The following CERKL variants were observed in gnomAD, a reference collection of about 807,000 sequenced individuals.
CERKL encodes ceramide kinase-like protein.
A neutral mutation model predicts 63.4 loss-of-function variants in CERKL; 61 were observed. That is an observed-to-expected ratio of 0.96 (90% CI 0.78 to 1.19). CERKL has a LOEUF of 1.19. Ranked by LOEUF, CERKL falls within the 50% of genes most tolerant of loss-of-function variation. The pLI is 0.00. For synonymous variants in CERKL, 250 were observed against 230.5 expected, an observed-to-expected ratio of 1.08 and a Z score of -0.77; for missense variants, 675 against 655.5, an observed-to-expected ratio of 1.03 and a Z score of -0.33.
rs954547032 is a variant in CERKL, at chr2:181,538,307, T to G, written c.1539-63A>C. On this transcript the variant is annotated intron_variant, in intron 12 of 12. Transcript: ENST00000410087. ...TTGTTTTTCACATACACCTAATAAGTATGGTACACAATGCCAATGCCAAAT... is the reference window on the plus strand; with the variant it reads ...TTGTTTTTCACATACACCTAATAAGGATGGTACACAATGCCAATGCCAAAT... The G allele has an allele frequency of 1.6e-5, 15 of 935,152 alleles. No homozygotes were observed. The African/African-American group carries it at 2.4e-4, about 15-fold the overall frequency. 57.9% of individuals were successfully genotyped at this position (935,152 alleles called of 1,614,324 possible). A position where few individuals can be genotyped will look rare whatever the true frequency, so the allele number is the denominator to read the frequency against.
intron 1 of CERKL, among the ~76,000 whole-genome samples, chr2:181,616,407 T>A (rs893053814): frequency 2.0e-5 from 3 of 151,978 alleles, no homozygotes; most frequent in African/African-American, 4.8e-5. Context: ...AGAGACGGTG[T>A]TTCACTGTGT....
At chr2:181,561,826 A>G (rs1212418576) in intron 4 of CERKL, among the ~76,000 whole-genome samples, 2 of 137,996 alleles carry the variant, frequency 1.4e-5, no homozygotes, top group Non-Finnish European at 1.6e-5. Context: ...ATTTTATTTT[A>G]TTTTTGAGAC....
At position 181,537,414 on chromosome 2, in the gene CERKL, G is replaced by A. The variant is rs1559063675; in HGVS notation, c.*770C>T. Reference sequence around the variant, plus strand: ...TTTTGCCCAGTTCAAAATAGTATTTGTTATCAACTTACTTTGTTACTTGTA... The same window carrying A: ...TTTTGCCCAGTTCAAAATAGTATTTATTATCAACTTACTTTGTTACTTGTA... On this transcript the variant is annotated 3_prime_UTR_variant, in exon 13 of 13. Coordinates refer to ENST00000410087, the MANE Select transcript of CERKL (RefSeq NM_201548.5). 6 of 453,760 alleles carry A rather than the reference G, an allele frequency of 1.3e-5. No homozygotes were observed. Among genetic ancestry groups the A allele is most frequent in the Non-Finnish European group, 2.6e-5 (6 of 226,728 alleles). 28.1% of individuals were successfully genotyped at this position (453,760 alleles called of 1,614,324 possible).
chr2:181,551,209 G>A (rs778602737), intron 5 of CERKL, among the ~76,000 whole-genome samples: 49 of 152,192 alleles, frequency 3.2e-4, no homozygotes, highest in Non-Finnish European at 6.5e-4. Flanking sequence ...AACCCTAAAG[G>A]CTCCATGAAT....
At chr2:181,545,101 C>A (rs1687664508) in intron 10 of CERKL, among the ~76,000 whole-genome samples, 1 of 152,034 alleles carries the variant, frequency 6.6e-6, no homozygotes, top group African/African-American at 2.4e-5. Flanking sequence ...ATTTAAAATA[C>A]AATGTAATTA....
intron 1 of CERKL, among the ~76,000 whole-genome samples, chr2:181,607,060 A>G (rs533867095): frequency 6.6e-6 from 1 of 152,346 alleles, no homozygotes; most frequent in African/African-American, 2.4e-5. Context: ...TATTGTATTC[A>G]AAATTAAAAC....
Position 181,621,210 on chromosome 2 carries a change from T to C in CERKL, c.239-17131A>G, listed in dbSNP as rs568220336. ...AAATTACTTATAAAATGTAGTCAAA[T>C]TTCCTAAGTCTCTAAGTTATTTTCA... On this transcript the variant is annotated intron_variant, in intron 1 of 12. Transcript: ENST00000410087. 1.1e-4 allele frequency among the ~76,000 whole-genome samples: 16 copies of C among 152,300 alleles called. No individual in the cohort carries two copies. In the South Asian group the frequency reaches 3.3e-3, roughly 32 times the overall value.
rs187725501 is a variant in CERKL, at chr2:181,616,472, A to T, written c.239-12393T>A. On this transcript the variant is annotated intron_variant, in intron 1 of 12. Transcript: ENST00000410087. ...CGTGATCCGCCTGCCTCGGCCTCCC[A>T]AAGTGTTGGGATTACAGGTGTGAGC... is the stretch of plus-strand genomic sequence containing the variant. 1.5e-3 allele frequency among the ~76,000 whole-genome samples: 227 copies of T among 152,220 alleles called. 2 individuals carry two copies. Among genetic ancestry groups the T allele is most frequent in the Middle Eastern group, 0.014 (4 of 294 alleles).
chr2:181,646,904 C>A (rs946622079), intron 1 of CERKL, among the ~76,000 whole-genome samples: 2 of 151,790 alleles, frequency 1.3e-5, no homozygotes, highest in South Asian at 4.2e-4. Flanking sequence ...CAGAGTAAGC[C>A]AATTTTTCTA....
chr2:181,652,297 G>T (rs1299197088), intron 1 of CERKL, among the ~76,000 whole-genome samples: 4 of 152,036 alleles, frequency 2.6e-5, no homozygotes, highest in Non-Finnish European at 1.5e-5. Flanking sequence ...CATAAAACCA[G>T]ACAGACCCAT....
At position 181,549,647 on chromosome 2, in the gene CERKL, C is replaced by G; in HGVS notation, c.882G>C (p.Leu294Phe). Reference sequence around the variant, plus strand: ...AAGAATTCTTACCCATTATAATGTGCAATGTTGCAGTTATCACATGAGGAA... The same window carrying G: ...AAGAATTCTTACCCATTATAATGTGGAATGTTGCAGTTATCACATGAGGAA... Reference protein sequence around the residue: ...HGVPHVITATLHIIMGHVQLV... With the variant: ...HGVPHVITATFHIIMGHVQLV... Residue 294 changes from leucine to phenylalanine, a missense_variant, in exon 6 of 13, where the codon TTG becomes TTC. Physicochemically the swap from Leu to Phe is conservative, Grantham distance 22. Coordinates refer to ENST00000410087, the MANE Select transcript of CERKL (RefSeq NM_201548.5). The G allele has an allele frequency of 6.2e-7, 1 of 1,608,868 alleles. No individual in the cohort carries two copies. The highest frequency in any genetic ancestry group is 1.1e-5 in the South Asian group (1 of 90,986).
intron 2 of CERKL, among the ~76,000 whole-genome samples, chr2:181,593,905 A>T (rs1393054902): frequency 6.6e-6 from 1 of 151,978 alleles, no homozygotes; most frequent in Non-Finnish European, 1.5e-5. Context: ...TTGAATCAGA[A>T]GGCCTGGATA....
chr2:181,552,100 C>T lies in CERKL; in HGVS notation c.821-2392G>A, dbSNP rs79837654. On this transcript the variant is annotated intron_variant, in intron 5 of 12. Transcript: ENST00000410087. Reference sequence around the variant, plus strand: ...TTACTTTTATGTAGAATCTGAAAAACTTAAACTCATAAAAGCGAAGAGTAA... The same window carrying T: ...TTACTTTTATGTAGAATCTGAAAAATTTAAACTCATAAAAGCGAAGAGTAA... Among the ~76,000 whole-genome samples, 829 of 152,156 alleles carry T rather than the reference C, an allele frequency of 5.4e-3. 6 individuals carry two copies. The highest frequency in any genetic ancestry group is 9.4e-3 in the Non-Finnish European group (636 of 67,996).
chr2:181,558,236 A>AT lies in CERKL; in HGVS notation c.820+329dup, dbSNP rs199770559. On this transcript the variant is annotated intron_variant, in intron 5 of 12. Coordinates refer to ENST00000410087, the MANE Select transcript of CERKL (RefSeq NM_201548.5). This position sits in a 1 kb window ranked among gnomAD's most constrained non-coding sequence, Gnocchi z 4.2. ...TTACCTGGTACTGTGTAATCAACAG[A>AT]TTTTTTATGCGAAGGGAGAATAATA... Among the ~76,000 whole-genome samples the AT allele has an allele frequency of 3.8e-3, 584 of 152,258 alleles. 7 individuals are homozygous for AT. Among genetic ancestry groups the AT allele is most frequent in the African/African-American group, 0.013 (558 of 41,550 alleles).
chr2:181,565,543 C>T lies in CERKL; in HGVS notation c.677+515G>A, dbSNP rs534433750. 126 of 1,334,304 alleles carry T rather than the reference C, an allele frequency of 9.4e-5. 1 individual carries two copies. The highest frequency in any genetic ancestry group is 8.1e-4 in the South Asian group (69 of 85,086). The allele number at this position is 1,334,304 out of a possible 1,614,324, so 82.7% of individuals were successfully genotyped here. ...TAACATACCTAAATTGTAGTCACTA[C>T]ATTATGAGATAATTAAAATTATTTC... On this transcript the variant is annotated intron_variant, in intron 4 of 12. Coordinates refer to ENST00000410087, the MANE Select transcript of CERKL (RefSeq NM_201548.5).
At chr2:181,589,144 T>C (rs1031078175) in intron 2 of CERKL, among the ~76,000 whole-genome samples, 3 of 152,180 alleles carry the variant, frequency 2.0e-5, no homozygotes, top group Non-Finnish European at 2.9e-5. Context: ...ATCTTAAAAA[T>C]GATTGCCAGA....
intron 2 of CERKL, among the ~76,000 whole-genome samples, chr2:181,587,807 A>T (rs915591857): frequency 2.6e-5 from 4 of 152,090 alleles, no homozygotes; most frequent in African/African-American, 9.7e-5. Flanking sequence ...AGCTTTTTCA[A>T]AGTATCCTTT....
intron 1 of CERKL, among the ~76,000 whole-genome samples, chr2:181,618,250 C>G (rs965450014): frequency 1.1e-4 from 16 of 139,510 alleles, no homozygotes; most frequent in Non-Finnish European, 2.1e-4. Flanking sequence ...ACTTGTACCC[C>G]TTAAACTTAC....
At chr2:181,563,526 C>T (rs918677807) in intron 4 of CERKL, among the ~76,000 whole-genome samples, 28 of 152,190 alleles carry the variant, frequency 1.8e-4, no homozygotes, top group Non-Finnish European at 2.9e-4. Flanking sequence ...TAGTGTCAGA[C>T]GGAGGTGCTT....
Sources: allele counts gnomAD v4.1 joint callset (sites outside exome capture counted in the v4.1 genomes callset), GRCh38; gene constraint gnomAD v4.1.1; non-coding constraint Gnocchi (gnomAD v3.1); transcripts MANE v1.5; gene names NCBI Gene and HGNC (gene_info 2026-07-23, HGNC 2026-07-21).